Variants in USP8 observed in about 807,000 individuals in gnomAD.
USP8 encodes the protein ubiquitin specific peptidase 8, also known as ubiquitin carboxyl-terminal hydrolase 8.
A neutral mutation model predicts 130.0 loss-of-function variants in USP8; 27 were observed. The ratio of observed to expected loss-of-function variants is 0.21; its 90% CI spans 0.15 to 0.29. USP8 has a LOEUF of 0.29. USP8 is among the 10% of genes least tolerant of loss of function. The probability of loss-of-function intolerance (pLI) is 1.00; values close to 1 mark genes in which losing one functional copy is unlikely to be tolerated. For missense variants in USP8, 1,029 were observed against 1,312.2 expected (o/e 0.78, Z 3.33); for synonymous variants, 392 against 444.1 (o/e 0.88, Z 1.48).
rs889512312 is a variant in USP8 at position 50,498,365 on chromosome 15, C to T, written c.3039-231C>T. 4 of 447,798 alleles carry T rather than the reference C, an allele frequency of 8.9e-6. No individual in the cohort carries two copies. In the East Asian group the frequency reaches 1.5e-4, roughly 17 times the overall value. The allele number at this position is 447,798 out of a possible 1,614,324, so 27.7% of individuals were successfully genotyped here. A position where few individuals can be genotyped will look rare whatever the true frequency, so the allele number is the denominator to read the frequency against. ...AGAGTATAGTCCTACCTCTACCATT[C>T]TGGCTGTTTGACCTTAGGCACATCA... On this transcript the variant is annotated intron_variant, in intron 18 of 19. Transcript: ENST00000307179.
chr15:50,476,881 T>C lies in USP8; in HGVS notation c.882T>C (p.Pro294=). ...GTAAAACTGTCCTGCGCAATGAGCC[T>C]TTGGTTTTAGAGGGAGGCTATGAAA... ...WESKTVLRNE[P]LVLEGGYENW... is the part of the protein sequence containing the mutation. Residue 294 remains proline, a synonymous_variant, in exon 9 of 20, where the codon CCT becomes CCC. Transcript: ENST00000307179. 3 of 1,596,628 alleles carry C rather than the reference T, an allele frequency of 1.9e-6. No homozygotes were observed. The highest frequency in any genetic ancestry group is 2.5e-6 in the Non-Finnish European group (3 of 1,176,856).
intron 11 of USP8, among the ~76,000 whole-genome samples, chr15:50,483,794 CAAA>C (rs879692059): frequency 1.9e-5 from 2 of 108,088 alleles, no homozygotes; most frequent in African/African-American, 7.0e-5. Flanking sequence ...ACTCGGTCTC[CAAA>C]AAAAAAAAAA....
Position 50,508,007 on chromosome 15 carries a change from T to C in USP8, c.*8919T>C, listed in dbSNP as rs771434833. 2 of 143,092 alleles carry C rather than the reference T, an allele frequency of 1.4e-5. No individual in the cohort carries two copies. The highest frequency in any genetic ancestry group is 2.6e-5 in the African/African-American group (1 of 37,904). The allele number at this position is 143,092 out of a possible 1,614,324, so 8.9% of individuals were successfully genotyped here. On this transcript the variant is annotated 3_prime_UTR_variant, in exon 20 of 20. Coordinates refer to ENST00000307179, the MANE Select transcript of USP8 (RefSeq NM_005154.5). Reference sequence around the variant, plus strand: ...ATCGCTTGAAACTGGGCGGCGGAGGTTGCAGTGAGCCGAGATGGTGCCAGT... The same window carrying C: ...ATCGCTTGAAACTGGGCGGCGGAGGCTGCAGTGAGCCGAGATGGTGCCAGT...
intron 4 of USP8, among the ~76,000 whole-genome samples, chr15:50,449,890 CTTTTTTTT>C: frequency 1.3e-5 from 1 of 78,938 alleles, no homozygotes; most frequent in Non-Finnish European, 2.4e-5. Context: ...CCCAATATTT[CTTTTTTTT>C]TTTTTTTTTT....
intron 5 of USP8, among the ~76,000 whole-genome samples, chr15:50,462,050 A>C (rs1231689241): frequency 6.6e-6 from 1 of 152,108 alleles, no homozygotes; most frequent in Non-Finnish European, 1.5e-5. Context: ...ATTGAAGTAA[A>C]TTTTGAGGAA....
At chr15:50,430,736 ATCTG>A (rs567613459) in intron 1 of USP8, among the ~76,000 whole-genome samples, 446 of 152,332 alleles carry the variant, frequency 2.9e-3, no homozygotes, top group Middle Eastern at 0.01. Context: ...CAGATTTAAT[ATCTG>A]TCTGCTCTCA....
At chr15:50,460,328 A>T in intron 5 of USP8, among the ~76,000 whole-genome samples, 1 of 101,600 alleles carries the variant, frequency 9.8e-6, no homozygotes, top group East Asian at 2.9e-4. Flanking sequence ...TTTTTTTGAG[A>T]CAGAGTTTTA....
rs2051143892 is a variant in USP8 at position 50,465,122 on chromosome 15, G to C, written c.617G>C (p.Arg206Thr). 6.2e-7 allele frequency: 1 copy of C among 1,613,910 alleles called. No individual in the cohort carries two copies. The highest frequency in any genetic ancestry group is 1.7e-5 in the Admixed American group (1 of 59,992). Reference sequence around the variant, plus strand: ...AGCTTGATTATAATGGATGCTCGAAGAATGCAGGATTATCAGGATTCCTGT... The same window carrying C: ...AGCTTGATTATAATGGATGCTCGAACAATGCAGGATTATCAGGATTCCTGT... ...NISLIIMDAR[R>T]MQDYQDSCIL... Residue 206 changes from arginine to threonine, a missense_variant, in exon 7 of 20, where the codon AGA becomes ACA. By Grantham distance (71) the Arg-to-Thr change is moderately conservative. Transcript: ENST00000307179.
At chr15:50,472,964 C>T (rs994757208) in intron 8 of USP8, among the ~76,000 whole-genome samples, 1 of 152,146 alleles carries the variant, frequency 6.6e-6, no homozygotes, top group Non-Finnish European at 1.5e-5. Flanking sequence ...ATATTTACAA[C>T]ACATATGGCA....
chr15:50,480,494 A>G (rs2051725813), intron 10 of USP8, among the ~76,000 whole-genome samples: 1 of 152,206 alleles, frequency 6.6e-6, no homozygotes, highest in African/African-American at 2.4e-5. Context: ...AAGAGCATGT[A>G]TCAGGGGACT....
At chr15:50,497,326 C>A in intron 18 of USP8, 95 bp downstream of exon 18, 1 of 1,436,810 alleles carries the variant, frequency 7.0e-7, no homozygotes, top group South Asian at 1.5e-5. Context: ...CTGCCATGGG[C>A]ACATAACAAA....
chr15:50,440,982 G>C (rs1480034389), intron 2 of USP8, among the ~76,000 whole-genome samples: 1 of 146,494 alleles, frequency 6.8e-6, no homozygotes, highest in Non-Finnish European at 1.5e-5. Context: ...GCCTGGGCAA[G>C]AAGAGCTAGA....
chr15:50,433,532 G>C lies in USP8; in HGVS notation c.-65-5477G>C, dbSNP rs116762390. ...CTTTTTACCTTTTAGTCTTCACTTT[G>C]TGGTTCCAGTCATCAAATCCCTACT... On this transcript the variant is annotated intron_variant, in intron 1 of 19. Transcript: ENST00000307179. Among the ~76,000 whole-genome samples, 968 of 152,264 alleles carry C rather than the reference G, an allele frequency of 6.4e-3. 14 individuals carry two copies. Among genetic ancestry groups the C allele is most frequent in the African/African-American group, 0.022 (933 of 41,554 alleles).
chr15:50,448,633 C>T (rs776129465), intron 3 of USP8, among the ~76,000 whole-genome samples: 14 of 151,828 alleles, frequency 9.2e-5, no homozygotes, highest in Admixed American at 2.0e-4. Context: ...GATTCTCCTG[C>T]GTCAGCTTCC....
intron 3 of USP8, among the ~76,000 whole-genome samples, chr15:50,443,835 T>C (rs935404202): frequency 2.0e-5 from 3 of 152,016 alleles, no homozygotes; most frequent in Non-Finnish European, 4.4e-5. Flanking sequence ...CATTTGGAGG[T>C]TCATTCATCT....
At chr15:50,448,034 C>T (rs981165335) in intron 3 of USP8, among the ~76,000 whole-genome samples, 2 of 152,094 alleles carry the variant, frequency 1.3e-5, no homozygotes, top group African/African-American at 4.8e-5. Flanking sequence ...TGAGCCACCG[C>T]ACATGGCCTA....
At chr15:50,458,567 T>C (rs994588502) in intron 4 of USP8, 1 of 162,418 alleles carries the variant, frequency 6.2e-6, no homozygotes, top group Non-Finnish European at 1.3e-5. Context: ...TTTAAAAAAA[T>C]GTAACTTGGG....
At chr15:50,451,909 C>T (rs2050639526) in intron 4 of USP8, among the ~76,000 whole-genome samples, 1 of 152,200 alleles carries the variant, frequency 6.6e-6, no homozygotes, top group Admixed American at 6.5e-5. Flanking sequence ...AGTGAAAGCC[C>T]TTAACATCTT....
chr15:50,484,380 G>A lies in USP8; in HGVS notation c.1890+19G>A. 6.3e-7 allele frequency: 1 copy of A among 1,582,938 alleles called. No individual in the cohort carries two copies. The highest frequency in any genetic ancestry group is 8.6e-7 in the Non-Finnish European group (1 of 1,159,090). On this transcript the variant is annotated intron_variant, in intron 12 of 19. Coordinates refer to ENST00000307179, the MANE Select transcript of USP8 (RefSeq NM_005154.5). Reference sequence around the variant, plus strand: ...AAATAAAGTAAGTAGTTTATTGCAGGAAAAAACTGGAAAAAAAAGCCAAAC... The same window carrying A: ...AAATAAAGTAAGTAGTTTATTGCAGAAAAAAACTGGAAAAAAAAGCCAAAC...
Sources: allele counts gnomAD v4.1 joint callset (sites outside exome capture counted in the v4.1 genomes callset), GRCh38; gene constraint gnomAD v4.1.1; transcripts MANE v1.5; gene names NCBI Gene and HGNC (gene_info 2026-07-23, HGNC 2026-07-21).